Variants in EBI3 observed in about 807,000 individuals in gnomAD.
EBI3 encodes interleukin-27 subunit beta.
A neutral mutation model predicts 21.3 loss-of-function variants in EBI3; 19 were observed. That is an observed-to-expected ratio of 0.89 (90% CI 0.62 to 1.31). EBI3 has a LOEUF of 1.31. Among genes scored for constraint, EBI3 ranks in the 50% most tolerant of loss-of-function variants. The probability of loss-of-function intolerance (pLI) is 0.00; values close to 1 mark genes in which losing one functional copy is unlikely to be tolerated. For missense variants in EBI3, 331 were observed against 314.0 expected, an observed-to-expected ratio of 1.05 and a Z score of -0.41; for synonymous variants, 154 against 131.2, an observed-to-expected ratio of 1.17 and a Z score of -1.19.
rs542772671 is a variant in EBI3 at position 4,232,942 on chromosome 19, G to A, written c.201-187G>A. On this transcript the variant is annotated intron_variant, in intron 2 of 4. Coordinates refer to ENST00000221847, the MANE Select transcript of EBI3 (RefSeq NM_005755.3). ...CGACCTGAACCATCAGGGGCACCGTGATGTTGGGGCCCATGCCCTGCCCCC... is the reference window on the plus strand; with the variant it reads ...CGACCTGAACCATCAGGGGCACCGTAATGTTGGGGCCCATGCCCTGCCCCC... 18 of 561,570 alleles carry A rather than the reference G, an allele frequency of 3.2e-5. No individual in the cohort carries two copies. In the South Asian group the frequency reaches 5.1e-4, roughly 16 times the overall value. 34.8% of individuals were successfully genotyped at this position (561,570 alleles called of 1,614,324 possible).
chr19:4,231,423 G>A (rs766306107), intron 2 of EBI3, 100 bp downstream of exon 2: 15 of 1,408,400 alleles, frequency 1.1e-5, no homozygotes, highest in East Asian at 7.9e-5. Context: ...TGGAGACCCC[G>A]ACATCCTGAA....
At chr19:4,232,772 GAATTAATGAATGAATGAAGGA>G (rs1970798766) in intron 2 of EBI3, among the ~76,000 whole-genome samples, 1 of 128,232 alleles carries the variant, frequency 7.8e-6, no homozygotes, top group Admixed American at 7.3e-5. Flanking sequence ...ATGAAGGAAT[GAATTAATGAATGAATGAAGGA>G]ATGAATTAAT....
At chr19:4,233,611 C>G (rs530083958) in intron 3 of EBI3, among the ~76,000 whole-genome samples, 5 of 152,286 alleles carry the variant, frequency 3.3e-5, no homozygotes, top group African/African-American at 1.2e-4. Context: ...CTCCCACCTG[C>G]CTTGGGGTCA....
Position 4,234,775 on chromosome 19 carries a change from T to C in EBI3, c.488T>C (p.Leu163Pro). 1 of 1,614,136 alleles carries C rather than the reference T, an allele frequency of 6.2e-7. No homozygotes were observed. Among genetic ancestry groups the C allele is most frequent in the Non-Finnish European group, 8.5e-7 (1 of 1,180,028 alleles). ...GSWPFPEIFSLKYWIRYKRQG... is the reference protein window; with the variant it reads ...GSWPFPEIFSPKYWIRYKRQG... Reference sequence around the variant, plus strand: ...TGGCCCTTCCCAGAGATCTTCTCACTGAAGTACTGGATCCGTTACAAGCGT... The same window carrying C: ...TGGCCCTTCCCAGAGATCTTCTCACCGAAGTACTGGATCCGTTACAAGCGT... The change falls in exon 4 of 5, where the codon CTG becomes CCG. Residue 163 changes from leucine (L) to proline (P), a missense_variant. By Grantham distance (98) the Leu-to-Pro change is moderately conservative. Coordinates refer to ENST00000221847, the MANE Select transcript of EBI3 (RefSeq NM_005755.3).
chr19:4,234,819 C>T lies in EBI3; in HGVS notation c.532C>T (p.His178Tyr). The change falls in exon 4 of 5, where the codon CAC becomes TAC. Residue 178 changes from histidine (H) to tyrosine (Y), a missense_variant. Coordinates refer to ENST00000221847, the MANE Select transcript of EBI3 (RefSeq NM_005755.3). ...CAAGCGTCAGGGAGCTGCGCGCTTCCACCGGGTGAGGAGGATGAGGGGGAG... is the reference window on the plus strand; with the variant it reads ...CAAGCGTCAGGGAGCTGCGCGCTTCTACCGGGTGAGGAGGATGAGGGGGAG... ...RYKRQGAARF[H>Y]RVGPIEATSF... The T allele has an allele frequency of 6.2e-7, 1 of 1,613,834 alleles. No homozygotes were observed. Among genetic ancestry groups the T allele is most frequent in the African/African-American group, 1.3e-5 (1 of 75,052 alleles).
intron 1 of EBI3, among the ~76,000 whole-genome samples, chr19:4,230,849 C>G (rs1390618276): frequency 1.3e-5 from 2 of 151,910 alleles, no homozygotes; most frequent in Admixed American, 1.3e-4. Context: ...TGCACTCCAG[C>G]CTAGGCGACA....
At chr19:4,229,743 TC>T in intron 1 of EBI3, 126 bp downstream of exon 1, 1 of 1,001,530 alleles carries the variant, frequency 1.0e-6, no homozygotes, top group Non-Finnish European at 1.4e-6. Flanking sequence ...GGGGTTACCC[TC>T]CCATTGTACA....
chr19:4,236,362 A>G (rs1307330482), intron 4 of EBI3, among the ~76,000 whole-genome samples: 1 of 151,688 alleles, frequency 6.6e-6, no homozygotes, highest in African/African-American at 2.4e-5. Flanking sequence ...TCAAAAACAA[A>G]CAAACAAAAA....
rs1177749777 is a variant in EBI3 at position 4,233,165 on chromosome 19, C to A, written c.237C>A (p.Cys79Ter). 1.2e-5 allele frequency: 20 copies of A among 1,606,068 alleles called. No homozygotes were observed. The highest frequency in any genetic ancestry group is 1.4e-5 in the Non-Finnish European group (17 of 1,179,312). ...CTGCCCGGGGCCACAGCTGGCCCTG[C>A]CTGCAGCAGACGCCAACGTCCACCA... ...GMAARGHSWP[C>*]LQQTPTSTSC... Residue 79 changes from cysteine to a stop codon, truncating the protein, a stop_gained, in exon 3 of 5, where the codon TGC becomes TGA. Coordinates refer to ENST00000221847, the MANE Select transcript of EBI3 (RefSeq NM_005755.3). LOFTEE classifies it high-confidence loss of function.
chr19:4,233,313 T>C lies in EBI3; in HGVS notation c.379+6T>C. 3.6e-6 allele frequency: 2 copies of C among 553,398 alleles called. No homozygotes were observed. Among genetic ancestry groups the C allele is most frequent in the Non-Finnish European group, 6.5e-6 (2 of 306,188 alleles). 34.3% of individuals were successfully genotyped at this position (553,398 alleles called of 1,614,324 possible). On this transcript the variant is annotated splice_donor_region_variant and intron_variant, in intron 3 of 4. Transcript: ENST00000221847. ...TTTCATAACAGAGCACATCAGTGAG[T>C]GGGGGCGGCAGTGGGGGCGGGGGCG...
chr19:4,231,333 C>G lies in EBI3; in HGVS notation c.200+10C>G, dbSNP rs753919638. On this transcript the variant is annotated intron_variant, in intron 2 of 4. Coordinates refer to ENST00000221847, the MANE Select transcript of EBI3 (RefSeq NM_005755.3). Reference sequence around the variant, plus strand: ...TCATTGCCACGTACAGGTCGGAGAGCCTGGAAGGGGGCCTCAGGGACACTG... The same window carrying G: ...TCATTGCCACGTACAGGTCGGAGAGGCTGGAAGGGGGCCTCAGGGACACTG... 2 of 1,598,260 alleles carry G rather than the reference C, an allele frequency of 1.3e-6. No homozygotes were observed. Among genetic ancestry groups the G allele is most frequent in the Non-Finnish European group, 1.7e-6 (2 of 1,174,464 alleles).
chr19:4,233,268 T>C lies in EBI3; in HGVS notation c.340T>C (p.Ser114Pro). The change falls in exon 3 of 5, where the codon TCC (serine) becomes CCC (proline). Residue 114 changes from serine (S) to proline (P), a missense_variant. Ser to Pro is a moderately conservative substitution (Grantham distance 74). Transcript: ENST00000221847. ...LNVTAVHPWG[S>P]SSSFVPFITE... The stretch of plus-strand genomic sequence containing the variant: ...TGTCACCGCCGTCCACCCCTGGGGC[T>C]CCAGCAGCAGCTTCGTGCCTTTCAT... 1.9e-6 allele frequency: 3 copies of C among 1,562,640 alleles called. No homozygotes were observed. Among genetic ancestry groups the C allele is most frequent in the Non-Finnish European group, 2.6e-6 (3 of 1,150,618 alleles).
At chr19:4,231,348 CAG>C in intron 2 of EBI3, 25 bp downstream of exon 2, 2 of 1,587,328 alleles carry the variant, frequency 1.3e-6, no homozygotes, top group Non-Finnish European at 1.7e-6. Context: ...AAGGGGGCCT[CAG>C]GGACACTGGA....
In EBI3 at chr19:4,236,958, C is replaced by T. The variant is rs775524144; in HGVS notation, c.560C>T (p.Ser187Phe). 6.6e-6 allele frequency: 10 copies of T among 1,513,794 alleles called. No individual in the cohort carries two copies. The highest frequency in any genetic ancestry group is 4.2e-5 in the Admixed American group (2 of 47,272). 93.8% of individuals were successfully genotyped at this position (1,513,794 alleles called of 1,614,324 possible). A position where few individuals can be genotyped will look rare whatever the true frequency, so the allele number is the denominator to read the frequency against. The change falls in exon 5 of 5, where the codon TCC becomes TTC. Residue 187 changes from serine to phenylalanine, a missense_variant. Coordinates refer to ENST00000221847, the MANE Select transcript of EBI3 (RefSeq NM_005755.3). ...CAGGTGGGGCCCATTGAAGCCACGT[C>T]CTTCATCCTCAGGGCTGTGCGGCCC... ...FHRVGPIEATSFILRAVRPRA... is the reference protein window; with the variant it reads ...FHRVGPIEATFFILRAVRPRA...
At position 4,233,249 on chromosome 19, in the gene EBI3, C is replaced by G. The variant is rs1438279865; in HGVS notation, c.321C>G (p.Thr107=). The G allele has an allele frequency of 2.5e-6, 4 of 1,612,500 alleles. No homozygotes were observed. In the African/African-American group the frequency reaches 5.3e-5, roughly 22 times the overall value. ...TGGCTCCCTACGTGCTCAATGTCAC[C>G]GCCGTCCACCCCTGGGGCTCCAGCA... ...FSMAPYVLNV[T]AVHPWGSSSS... The change falls in exon 3 of 5, where the codon ACC becomes ACG. Residue 107 remains threonine, a synonymous_variant. Coordinates refer to ENST00000221847, the MANE Select transcript of EBI3 (RefSeq NM_005755.3).
At chr19:4,231,466 T>C in intron 2 of EBI3, 143 bp downstream of exon 2, 1 of 1,267,542 alleles carries the variant, frequency 7.9e-7, no homozygotes, top group Non-Finnish European at 1.0e-6. Context: ...GGCGGCCCCG[T>C]CCAATAGAAA....
At position 4,237,374 on chromosome 19, in the gene EBI3, G is replaced by A. The variant is rs942135217; in HGVS notation, c.*286G>A. 5 of 236,510 alleles carry A rather than the reference G, an allele frequency of 2.1e-5. No individual in the cohort carries two copies. The highest frequency in any genetic ancestry group is 2.4e-5 in the Non-Finnish European group (3 of 124,802). 14.7% of individuals were successfully genotyped at this position (236,510 alleles called of 1,614,324 possible). A position where few individuals can be genotyped will look rare whatever the true frequency, so the allele number is the denominator to read the frequency against. ...TATTTTTTATTGTTTAATTAGAAAA[G>A]AATTGTTGTTGGGCTGGGCGCAGTG... On this transcript the variant is annotated 3_prime_UTR_variant, in exon 5 of 5. Transcript: ENST00000221847.
Position 4,237,063 on chromosome 19 carries a change from C to G in EBI3, c.665C>G (p.Thr222Ser), listed in dbSNP as rs143660903. 1.9e-4 allele frequency: 300 copies of G among 1,558,320 alleles called. 1 individual carries two copies. The highest frequency in any genetic ancestry group is 5.5e-5 in the Admixed American group (3 of 54,756). Residue 222 changes from threonine (T) to serine (S), a missense_variant, in exon 5 of 5, where the codon ACT (threonine) becomes AGT (serine). Thr to Ser is a moderately conservative substitution (Grantham distance 58). Coordinates refer to ENST00000221847, the MANE Select transcript of EBI3 (RefSeq NM_005755.3). ...CTGAGTGACTGGAGTCTCCCCGCCA[C>G]TGCCACAATGAGCCTGGGCAAGTAG... ...GELSDWSLPA[T>S]ATMSLGK is the part of the protein sequence containing the mutation.
rs1194076548 is a variant in EBI3 at position 4,234,818 on chromosome 19, C to T, written c.531C>T (p.Phe177=). 1 of 1,613,822 alleles carries T rather than the reference C, an allele frequency of 6.2e-7. No homozygotes were observed. The highest frequency in any genetic ancestry group is 8.5e-7 in the Non-Finnish European group (1 of 1,179,850). ...IRYKRQGAAR[F]HRVGPIEATS... ...ACAAGCGTCAGGGAGCTGCGCGCTT[C>T]CACCGGGTGAGGAGGATGAGGGGGA... is the stretch of plus-strand genomic sequence containing the variant. The change falls in exon 4 of 5, where the codon TTC becomes TTT. Residue 177 remains phenylalanine (F), a synonymous_variant. Coordinates refer to ENST00000221847, the MANE Select transcript of EBI3 (RefSeq NM_005755.3).
Sources: gnomAD v4.1 joint callset for allele counts (sites outside exome capture counted in the v4.1 genomes callset) on GRCh38, gnomAD v4.1.1 for gene constraint, MANE v1.5 for transcripts, NCBI Gene and HGNC (gene_info 2026-07-23, HGNC 2026-07-21) for gene names.